Variants in CHL1 observed in about 807,000 individuals in gnomAD.
The protein encoded by CHL1 is neural cell adhesion molecule L1-like protein.
CHL1 carries 96 observed loss-of-function variants against 141.9 expected under a neutral mutation model. The ratio of observed to expected loss-of-function variants is 0.68; its 90% CI spans 0.57 to 0.80. The LOEUF is 0.80. Among genes scored for constraint, CHL1 ranks in the 30% least tolerant of loss-of-function variants. CHL1 has a pLI of 0.00. For missense variants in CHL1, 1,820 were observed against 1,457.2 expected (o/e 1.25, Z -4.05); for synonymous variants, 613 against 502.2 (o/e 1.22, Z -2.95).
At chr3:362,862 C>A (rs1326602837) in intron 13 of CHL1, among the ~76,000 whole-genome samples, 1 of 152,194 alleles carries the variant, frequency 6.6e-6, no homozygotes, top group Non-Finnish European at 1.5e-5. Context: ...CTTTCAATTA[C>A]TAGCTTTCCC....
intron 2 of CHL1, among the ~76,000 whole-genome samples, chr3:264,180 C>G (rs1694974215): frequency 6.6e-6 from 1 of 152,180 alleles, no homozygotes; most frequent in Non-Finnish European, 1.5e-5. Flanking sequence ...ACACTAAACT[C>G]ACTGTCACAT....
At chr3:224,742 T>A (rs1218865086) in intron 1 of CHL1, among the ~76,000 whole-genome samples, 1 of 152,234 alleles carries the variant, frequency 6.6e-6, no homozygotes, top group African/African-American at 2.4e-5. Flanking sequence ...AATGCAAGAA[T>A]GGCCTAATAC....
intron 1 of CHL1, among the ~76,000 whole-genome samples, chr3:239,889 T>C (rs1692386375): frequency 6.6e-6 from 1 of 152,180 alleles, no homozygotes; most frequent in Non-Finnish European, 1.5e-5. Context: ...AATAATCGTC[T>C]CCAGCTCCAT....
chr3:390,141 C>T (rs17036953), intron 20 of CHL1, among the ~76,000 whole-genome samples: 3,039 of 152,268 alleles, frequency 0.02, 103 homozygotes, highest in African/African-American at 0.069. Flanking sequence ...CGTCTAAATT[C>T]TTCTACCCAA....
chr3:202,390 G>C (rs73814171), intron 1 of CHL1, among the ~76,000 whole-genome samples: 4,205 of 152,204 alleles, frequency 0.028, 197 homozygotes, highest in African/African-American at 0.094. Context: ...GCAAACTGTT[G>C]ATTCCTACAT....
rs75705901 is a variant in CHL1, at chr3:405,910, G to C, written c.*199G>C. 2.0e-6 allele frequency: 1 copy of C among 510,400 alleles called. No individual in the cohort carries two copies. Among genetic ancestry groups the C allele is most frequent in the Non-Finnish European group, 3.5e-6 (1 of 285,150 alleles). The allele number at this position is 510,400 out of a possible 1,614,324, so 31.6% of individuals were successfully genotyped here. ...GCCAAGCACTTCAGGCCTATGTTTTGCTTATATTGTTTTCAGGTGCTCAAA... is the reference window on the plus strand; with the variant it reads ...GCCAAGCACTTCAGGCCTATGTTTTCCTTATATTGTTTTCAGGTGCTCAAA... On this transcript the variant is annotated 3_prime_UTR_variant, in exon 28 of 28. Coordinates refer to ENST00000256509, the MANE Select transcript of CHL1 (RefSeq NM_006614.4).
chr3:278,133 TA>T (rs1696319252), intron 2 of CHL1, among the ~76,000 whole-genome samples: 1 of 152,216 alleles, frequency 6.6e-6, no homozygotes, highest in African/African-American at 2.4e-5. Flanking sequence ...GAATACTGAA[TA>T]CTTTCTTCAT....
intron 3 of CHL1, among the ~76,000 whole-genome samples, chr3:322,557 C>A (rs1035029634): frequency 1.0e-4 from 15 of 149,100 alleles, no homozygotes; most frequent in African/African-American, 3.5e-4. Context: ...CCTGTAATTG[C>A]GGCACTTTGG....
rs1369616778 is a variant in CHL1 at position 394,770 on chromosome 3, A to G, written c.2992A>G (p.Asn998Asp). The G allele has an allele frequency of 6.2e-7, 1 of 1,614,054 alleles. No individual in the cohort carries two copies. Among genetic ancestry groups the G allele is most frequent in the Non-Finnish European group, 8.5e-7 (1 of 1,179,934 alleles). ...ATCAAAGCCCAGCTGGCACCTCTCAAACCTGAATGCAACTACCAAGTACAA... is the reference window on the plus strand; with the variant it reads ...ATCAAAGCCCAGCTGGCACCTCTCAGACCTGAATGCAACTACCAAGTACAA... ...TPSKPSWHLS[N>D]LNATTKYKFY... Residue 998 changes from asparagine (N) to aspartate (D), a missense_variant, in exon 24 of 28, where the codon AAC becomes GAC. By Grantham distance (23) the Asn-to-Asp change is conservative. Coordinates refer to ENST00000256509, the MANE Select transcript of CHL1 (RefSeq NM_006614.4).
At chr3:328,413 G>A in intron 5 of CHL1, 59 bp downstream of exon 5, 1 of 1,323,940 alleles carries the variant, frequency 7.6e-7, no homozygotes. Context: ...TTAAATAGGA[G>A]TTAGATTGGG....
intron 2 of CHL1, among the ~76,000 whole-genome samples, chr3:255,442 T>G (rs1694065145): frequency 6.6e-6 from 1 of 152,138 alleles, no homozygotes; most frequent in African/African-American, 2.4e-5. Flanking sequence ...ATTCAGTAAC[T>G]TCTAGGTCAC....
At chr3:371,617 T>C (rs559254609) in intron 15 of CHL1, among the ~76,000 whole-genome samples, 1 of 152,190 alleles carries the variant, frequency 6.6e-6, no homozygotes, top group Non-Finnish European at 1.5e-5. Flanking sequence ...TTAAGGTTAG[T>C]ATTGTTATGT....
intron 2 of CHL1, among the ~76,000 whole-genome samples, chr3:252,244 CTA>C (rs1376090551): frequency 6.6e-6 from 1 of 150,728 alleles, no homozygotes; most frequent in Non-Finnish European, 1.5e-5. Context: ...CTTCTTGACT[CTA>C]TTCATATTTC....
chr3:335,366 A>G (rs555544299), intron 5 of CHL1, among the ~76,000 whole-genome samples: 6 of 152,218 alleles, frequency 3.9e-5, no homozygotes, highest in Non-Finnish European at 8.8e-5. Flanking sequence ...GCATGAATTC[A>G]TTATGAGCTC....
intron 1 of CHL1, among the ~76,000 whole-genome samples, chr3:214,237 C>T (rs1261238608): frequency 6.6e-6 from 1 of 152,168 alleles, no homozygotes; most frequent in Admixed American, 6.5e-5. Flanking sequence ...AATTTCTTCT[C>T]TACGTTTCAG....
chr3:370,569 A>AT (rs1351230641), intron 15 of CHL1, among the ~76,000 whole-genome samples: 2 of 142,862 alleles, frequency 1.4e-5, no homozygotes, highest in Admixed American at 6.9e-5. Context: ...GGATTCATTT[A>AT]TTTTTTTGGA....
chr3:363,200 G>T lies in CHL1; in HGVS notation c.1419-17G>T, dbSNP rs145584881. On this transcript the variant is annotated splice_polypyrimidine_tract_variant and intron_variant, in intron 13 of 27. Transcript: ENST00000256509. ...TTTGCCCTACCTCAGATGGATGTACGCTTTCTTTGTCCATAGGCAGAAGGT... is the reference window on the plus strand; with the variant it reads ...TTTGCCCTACCTCAGATGGATGTACTCTTTCTTTGTCCATAGGCAGAAGGT... 6.2e-7 allele frequency: 1 copy of T among 1,600,166 alleles called. No individual in the cohort carries two copies. Among genetic ancestry groups the T allele is most frequent in the Admixed American group, 1.8e-5 (1 of 56,326 alleles).
intron 2 of CHL1, among the ~76,000 whole-genome samples, chr3:279,405 G>A (rs1044034837): frequency 1.1e-4 from 17 of 152,002 alleles, no homozygotes; most frequent in Admixed American, 4.6e-4. Flanking sequence ...TCTTCTTAAG[G>A]TAAATGCTTC....
chr3:229,634 A>G (rs1262451487), intron 1 of CHL1, among the ~76,000 whole-genome samples: 3 of 152,076 alleles, frequency 2.0e-5, no homozygotes, highest in African/African-American at 7.2e-5. Flanking sequence ...TTTTCCACAT[A>G]ATAGCTTAGT....
Sources: allele counts gnomAD v4.1 joint callset (sites outside exome capture counted in the v4.1 genomes callset), GRCh38; gene constraint gnomAD v4.1.1; transcripts MANE v1.5; gene names NCBI Gene and HGNC (gene_info 2026-07-23, HGNC 2026-07-21).